DYNC2I1: variants seen among roughly 807,000 people sequenced by gnomAD.
The protein encoded by DYNC2I1 is dynein 2 intermediate chain 1, also known as cytoplasmic dynein 2 intermediate chain 1.
DYNC2I1 carries 89 observed loss-of-function variants against 133.4 expected under a neutral mutation model. The observed-to-expected ratio is 0.67, with a 90% CI of 0.56 to 0.80. The LOEUF (loss-of-function observed/expected upper bound fraction) is 0.80. Ranked by LOEUF, DYNC2I1 falls within the 30% of genes least tolerant of loss-of-function variation. The pLI is 0.00. For synonymous variants in DYNC2I1, 504 were observed against 484.3 expected (o/e 1.04, Z -0.54); for missense variants, 1,291 against 1,314.5 (o/e 0.98, Z 0.28).
At chr7:158,851,207 CACT>C in the DYNC2I1 span, among the ~76,000 whole-genome samples, 21 of 152,004 alleles carry the variant, frequency 1.4e-4, no homozygotes, top group African/African-American at 4.8e-4. Context: ...TAATTGGAGA[CACT>C]GGTTATTTTA....
intron 1 of DYNC2I1, among the ~76,000 whole-genome samples, chr7:158,857,754 T>A (rs62475642): frequency 2.8e-4 from 42 of 149,610 alleles, no homozygotes; most frequent in Non-Finnish European, 5.2e-4. Context: ...GCCAGGATGG[T>A]CTTGATCTCC....
intron 22 of DYNC2I1, 32 bp from the exon 23 acceptor site, chr7:158,934,386 C>T (rs149252269): frequency 3.8e-5 from 61 of 1,597,936 alleles, no homozygotes; most frequent in South Asian, 2.2e-4. Flanking sequence ...GTAATGCACT[C>T]GTTCAGTCAC....
intron 6 of DYNC2I1, among the ~76,000 whole-genome samples, chr7:158,886,495 C>G (rs919026760): frequency 2.6e-5 from 4 of 152,122 alleles, no homozygotes; most frequent in Non-Finnish European, 4.4e-5. Context: ...AATTTCTTCT[C>G]TGGAAGATAT....
At chr7:158,943,708 CATT>C (rs1450700740) in intron 24 of DYNC2I1, among the ~76,000 whole-genome samples, 2 of 150,002 alleles carry the variant, frequency 1.3e-5, no homozygotes, top group Non-Finnish European at 3.0e-5. Context: ...TGTTTGTTGT[CATT>C]AGCAGGTTAC....
Position 158,923,644 on chromosome 7 carries a change from T to C in DYNC2I1, c.2168T>C (p.Val723Ala). 1.9e-6 allele frequency: 3 copies of C among 1,613,962 alleles called. No homozygotes were observed. Among genetic ancestry groups the C allele is most frequent in the Non-Finnish European group, 8.5e-7 (1 of 1,179,896 alleles). Residue 723 changes from valine to alanine, a missense_variant, in exon 17 of 25, where the codon GTC (valine) becomes GCC (alanine). Coordinates refer to ENST00000407559, the MANE Select transcript of DYNC2I1 (RefSeq NM_018051.5). ...FAGTAHGSVVVWDLREDSRLH... is the reference protein window; with the variant it reads ...FAGTAHGSVVAWDLREDSRLH... ...GGAACAGCGCACGGCTCAGTTGTCG[T>C]CTGGGATTTGAGAGAAGACTCAAGG...
At chr7:158,928,561 C>A (rs1849856646) in intron 20 of DYNC2I1, among the ~76,000 whole-genome samples, 1 of 152,180 alleles carries the variant, frequency 6.6e-6, no homozygotes, top group African/African-American at 2.4e-5. Flanking sequence ...CATTTCACTG[C>A]TAAATGCTTT....
intron 20 of DYNC2I1, among the ~76,000 whole-genome samples, chr7:158,927,951 T>G (rs1849786167): frequency 6.6e-6 from 1 of 152,234 alleles, no homozygotes; most frequent in African/African-American, 2.4e-5. Flanking sequence ...GTTCTGTAGC[T>G]GTTCCCTATG....
intron 16 of DYNC2I1, among the ~76,000 whole-genome samples, chr7:158,923,329 A>G (rs926639885): frequency 2.0e-5 from 3 of 152,048 alleles, no homozygotes; most frequent in Non-Finnish European, 4.4e-5. Context: ...GAGTGTCAGC[A>G]CCTTGCGTTT....
At chr7:158,888,514 C>A (rs1030982620) in intron 7 of DYNC2I1, among the ~76,000 whole-genome samples, 6 of 151,936 alleles carry the variant, frequency 3.9e-5, no homozygotes, top group African/African-American at 1.5e-4. Context: ...CTCTGTTGCC[C>A]AGGCTGGAGT....
chr7:158,953,952 C>T (rs1009665415), intron 4 of DYNC2I1, among the ~76,000 whole-genome samples: 3 of 151,938 alleles, frequency 2.0e-5, no homozygotes, highest in African/African-American at 7.3e-5. Context: ...TGGCTGTGTC[C>T]CCACCCAAAT....
chr7:158,927,134 A>C, intron 20 of DYNC2I1, 91 bp downstream of exon 20: 5 of 895,322 alleles, frequency 5.6e-6, no homozygotes, highest in South Asian at 1.7e-5. Flanking sequence ...GCAGTGGCTC[A>C]CACCTGCTGG....
At chr7:158,895,961 A>G (rs2129482936) in intron 8 of DYNC2I1, among the ~76,000 whole-genome samples, 1 of 152,292 alleles carries the variant, frequency 6.6e-6, no homozygotes, top group Non-Finnish European at 1.5e-5. Flanking sequence ...TGACTTTTGT[A>G]TACTCACTCT....
At chr7:158,857,534 G>GTTTTTTTTTTTTTT (rs374994955) in intron 1 of DYNC2I1, among the ~76,000 whole-genome samples, 3 of 131,402 alleles carry the variant, frequency 2.3e-5, no homozygotes, top group Non-Finnish European at 4.7e-5. Flanking sequence ...TAAACCTTAG[G>GTTTTTTTTTTTTTT]TTTTTGTTTT....
intron 4 of DYNC2I1, among the ~76,000 whole-genome samples, chr7:158,955,605 C>T (rs1455186164): frequency 2.6e-5 from 4 of 152,218 alleles, no homozygotes; most frequent in African/African-American, 9.6e-5. Flanking sequence ...GGCGGAGACA[C>T]CCAGCGCTAA....
chr7:158,895,362 ATT>A (rs1264802473), intron 8 of DYNC2I1, among the ~76,000 whole-genome samples: 1 of 152,126 alleles, frequency 6.6e-6, no homozygotes, highest in Admixed American at 6.6e-5. Flanking sequence ...GTGAATGTTT[ATT>A]TGTTCCAGCA....
chr7:158,915,969 T>C (rs1585148072), intron 14 of DYNC2I1, among the ~76,000 whole-genome samples: 2 of 134,196 alleles, frequency 1.5e-5, no homozygotes, highest in Admixed American at 7.2e-5. Flanking sequence ...TGGTTGACAT[T>C]AAGGATGATT....
At chr7:158,860,170 C>T (rs1392235787) in intron 1 of DYNC2I1, among the ~76,000 whole-genome samples, 1 of 151,940 alleles carries the variant, frequency 6.6e-6, no homozygotes, top group Non-Finnish European at 1.5e-5. Context: ...GTTCTCCTGC[C>T]TCAGCCTCGC....
chr7:158,932,231 G>C (rs1051952230), intron 21 of DYNC2I1, among the ~76,000 whole-genome samples: 1 of 152,222 alleles, frequency 6.6e-6, no homozygotes, highest in Non-Finnish European at 1.5e-5. Context: ...AGGACGAAGT[G>C]TGCTGTCAGG....
chr7:158,852,469 G>A (rs1365572281), upstream of DYNC2I1, among the ~76,000 whole-genome samples: 3 of 151,812 alleles, frequency 2.0e-5, no homozygotes, highest in Non-Finnish European at 4.4e-5. Context: ...GGCTGGGCAT[G>A]GTGGCTCACG....
Sources: allele counts gnomAD v4.1 joint callset (sites outside exome capture counted in the v4.1 genomes callset), GRCh38; gene constraint gnomAD v4.1.1; transcripts MANE v1.5; gene names NCBI Gene and HGNC (gene_info 2026-07-23, HGNC 2026-07-21).